NLGN4X: variants seen among roughly 807,000 people sequenced by gnomAD.
NLGN4X encodes neuroligin-4, X-linked.
Under a neutral mutation model 40.3 loss-of-function variants are expected in NLGN4X, and 3 were observed. The ratio of observed to expected loss-of-function variants is 0.07; its 90% confidence interval spans 0.03 to 0.19. The LOEUF (loss-of-function observed/expected upper bound fraction) is 0.19, where lower values mean the gene tolerates loss of function less well. Ranked by LOEUF, NLGN4X falls within the 10% of genes least tolerant of loss-of-function variation. The probability of loss-of-function intolerance (pLI) is 1.00; values close to 1 mark genes in which losing one functional copy is unlikely to be tolerated. For synonymous variants in NLGN4X, 270 were observed against 306.8 expected (o/e 0.88, Z 1.25); for missense variants, 382 against 708.3 (o/e 0.54, Z 5.23).
At chrX:6,000,044 G>A (rs2035934271) in intron 3 of NLGN4X, among the ~76,000 whole-genome samples, 1 of 112,126 alleles carries the variant, frequency 8.9e-6, no homozygotes, top group Admixed American at 9.4e-5. Flanking sequence ...ACATTAATAT[G>A]GGCCATCCCT....
chrX:6,065,293 T>A (rs1237968524), intron 2 of NLGN4X, among the ~76,000 whole-genome samples: 2 of 108,903 alleles, frequency 1.8e-5, no homozygotes, highest in Admixed American at 9.9e-5. Context: ...AAAATAGATA[T>A]AAAATTCCCA....
chrX:6,138,456 C>G, intron 2 of NLGN4X, among the ~76,000 whole-genome samples: 1 of 111,683 alleles, frequency 9.0e-6, no homozygotes, highest in East Asian at 2.8e-4. Flanking sequence ...TATTGCCAAC[C>G]CTTTCTCTGA....
intron 2 of NLGN4X, among the ~76,000 whole-genome samples, chrX:6,048,967 C>T (rs1295859312): frequency 9.4e-6 from 1 of 106,588 alleles, no homozygotes; most frequent in South Asian, 4.4e-4. Context: ...TGCAACACAC[C>T]TGCATGTCCT....
At chrX:6,107,532 T>C (rs2039057090) in intron 2 of NLGN4X, among the ~76,000 whole-genome samples, 1 of 111,589 alleles carries the variant, frequency 9.0e-6, no homozygotes, top group Non-Finnish European at 1.9e-5. Flanking sequence ...GCCAATACAC[T>C]TTTTTGTGTT....
chrX:6,101,727 A>C (rs1013827435), intron 2 of NLGN4X, among the ~76,000 whole-genome samples: 1 of 110,889 alleles, frequency 9.0e-6, no homozygotes, highest in African/African-American at 3.3e-5. Flanking sequence ...CAAAAATTAT[A>C]GTCAGAAAGA....
At chrX:5,994,248 T>C (rs1375570659) in intron 3 of NLGN4X, among the ~76,000 whole-genome samples, 3 of 112,006 alleles carry the variant, frequency 2.7e-5, no homozygotes, top group African/African-American at 9.7e-5. Context: ...AGGGTGAGGA[T>C]AAAGAAGGCT....
In NLGN4X at chrX:6,098,542, T is replaced by C. The variant is rs191506987; in HGVS notation, c.472+52453A>G. ...CTGATCCAATGCTTGAATGTTATTATAGAAAAGTATCAAGAATGAAAGAAG... is the reference window on the plus strand; with the variant it reads ...CTGATCCAATGCTTGAATGTTATTACAGAAAAGTATCAAGAATGAAAGAAG... On this transcript the variant is annotated intron_variant, in intron 2 of 5. Coordinates refer to ENST00000381095, the MANE Select transcript of NLGN4X (RefSeq NM_181332.3). Among the ~76,000 whole-genome samples, 126 of 110,799 alleles carry C rather than the reference T, an allele frequency of 1.1e-3. 1 individual carries two copies. The highest frequency in any genetic ancestry group is 3.9e-3 in the African/African-American group (119 of 30,466).
At chrX:5,951,221 C>T (rs1446934276) in intron 3 of NLGN4X, among the ~76,000 whole-genome samples, 1 of 111,929 alleles carries the variant, frequency 8.9e-6, no homozygotes, top group Non-Finnish European at 1.9e-5. Flanking sequence ...AAAATAAGAA[C>T]TTTCTTCCAG....
chrX:5,967,304 C>A (rs1274290495), intron 3 of NLGN4X, among the ~76,000 whole-genome samples: 1 of 112,008 alleles, frequency 8.9e-6, no homozygotes, highest in Admixed American at 9.5e-5. Context: ...GCGCAACTCC[C>A]TTTAAATTTT....
chrX:6,012,449 G>C (rs1301165870), intron 3 of NLGN4X, among the ~76,000 whole-genome samples: 1 of 111,787 alleles, frequency 8.9e-6, no homozygotes, highest in African/African-American at 3.3e-5. Flanking sequence ...AAGCCAGGTG[G>C]CATCCTGAAT....
At chrX:6,027,205 CTT>C (rs1003589446) in intron 3 of NLGN4X, among the ~76,000 whole-genome samples, 2 of 112,083 alleles carry the variant, frequency 1.8e-5, no homozygotes, top group Non-Finnish European at 3.8e-5. Context: ...CCTTCCACCT[CTT>C]TGTCAGAATG....
intron 3 of NLGN4X, among the ~76,000 whole-genome samples, chrX:5,954,279 C>G (rs1334412326): frequency 1.8e-5 from 2 of 109,730 alleles, no homozygotes; most frequent in Non-Finnish European, 3.8e-5. Context: ...GGCTGGAGTG[C>G]AGTGGTGCAA....
rs3072083 is a variant in NLGN4X, at chrX:5,926,789, TACAC to T, written c.626-17554_626-17551del. On this transcript the variant is annotated intron_variant, in intron 3 of 5. Coordinates refer to ENST00000381095, the MANE Select transcript of NLGN4X (RefSeq NM_181332.3). ...AGATATATTCTACCTCTAGAGAGCA[TACAC>T]ACACACACACACACACACACACACA... Among the ~76,000 whole-genome samples the T allele has an allele frequency of 4.4e-3, 409 of 93,038 alleles. 1 individual carries two copies. Among genetic ancestry groups the T allele is most frequent in the African/African-American group, 0.01 (260 of 25,428 alleles). 80.8% of individuals were successfully genotyped at this position (93,038 alleles called of 115,157 possible).
intron 3 of NLGN4X, among the ~76,000 whole-genome samples, chrX:5,927,869 G>A (rs1467957723): frequency 5.4e-5 from 6 of 112,120 alleles, no homozygotes; most frequent in South Asian, 3.7e-4. Flanking sequence ...CTTATTTCCC[G>A]TGTTAATATC....
At chrX:6,086,992 C>T (rs918364488) in intron 2 of NLGN4X, among the ~76,000 whole-genome samples, 2 of 111,568 alleles carry the variant, frequency 1.8e-5, no homozygotes, top group South Asian at 3.8e-4. Flanking sequence ...CAGCTGAGTC[C>T]AAATTCTAAC....
At chrX:6,185,492 G>A (rs143474273) in intron 1 of NLGN4X, among the ~76,000 whole-genome samples, 2,471 of 111,566 alleles carry the variant, frequency 0.022, 37 homozygotes, top group Non-Finnish European at 0.037. Flanking sequence ...ACATGCCAGC[G>A]AAAGACAAAA....
intron 1 of NLGN4X, among the ~76,000 whole-genome samples, chrX:6,225,386 C>T (rs1034761431): frequency 9.2e-6 from 1 of 109,272 alleles, no homozygotes; most frequent in Admixed American, 9.9e-5. Context: ...TCTGCCCCCA[C>T]AAAACGGCAG....
chrX:6,104,173 T>C (rs948473977), intron 2 of NLGN4X, among the ~76,000 whole-genome samples: 3 of 112,396 alleles, frequency 2.7e-5, no homozygotes, highest in African/African-American at 9.7e-5. Context: ...AATTCTTCCA[T>C]CATCAAACAT....
chrX:5,972,076 G>A (rs1432233743), intron 3 of NLGN4X, among the ~76,000 whole-genome samples: 1 of 110,964 alleles, frequency 9.0e-6, no homozygotes, highest in Non-Finnish European at 1.9e-5. Context: ...AGGGGAAAGT[G>A]TTTAATATGC....
Sources: gnomAD v4.1 joint callset for allele counts (sites outside exome capture counted in the v4.1 genomes callset) on GRCh38, gnomAD v4.1.1 for gene constraint, MANE v1.5 for transcripts, NCBI Gene and HGNC (gene_info 2026-07-23, HGNC 2026-07-21) for gene names.